Variants in ABCC11 observed in about 807,000 individuals in gnomAD.
The protein encoded by ABCC11 is ATP binding cassette subfamily C member 11.
Under a neutral mutation model 149.3 loss-of-function variants are expected in ABCC11, and 135 were observed. The observed-to-expected ratio is 0.90, with a 90% confidence interval of 0.79 to 1.04. ABCC11 has a LOEUF of 1.04. ABCC11 is among the 50% of genes least tolerant of loss of function. The probability of loss-of-function intolerance (pLI) is 0.00; values close to 1 mark genes in which losing one functional copy is unlikely to be tolerated. For missense variants in ABCC11, 1,680 were observed against 1,722.1 expected, an observed-to-expected ratio of 0.98 and a Z score of 0.43; for synonymous variants, 665 against 671.4, an observed-to-expected ratio of 0.99 and a Z score of 0.15.
At chr16:48,227,677 CCT>C in intron 4 of ABCC11, 127 bp downstream of exon 4, 1 of 1,180,832 alleles carries the variant, frequency 8.5e-7, no homozygotes, top group Non-Finnish European at 1.2e-6. Context: ...TAGTATGAGG[CCT>C]CTTCCTACAG....
chr16:48,197,047 G>A (rs559863694), intron 17 of ABCC11, among the ~76,000 whole-genome samples: 4 of 152,266 alleles, frequency 2.6e-5, no homozygotes, highest in East Asian at 1.9e-4. Flanking sequence ...GTTGGTGGCC[G>A]GGCACAGTGG....
At chr16:48,168,008 A>G (rs1366318918) in intron 28 of ABCC11, among the ~76,000 whole-genome samples, 1 of 152,254 alleles carries the variant, frequency 6.6e-6, no homozygotes, top group African/African-American at 2.4e-5. Flanking sequence ...GGGCAGGCAC[A>G]CACCCCAGGA....
At chr16:48,234,488 A>C (rs1165086206) in intron 1 of ABCC11, among the ~76,000 whole-genome samples, 1 of 152,146 alleles carries the variant, frequency 6.6e-6, no homozygotes, top group Admixed American at 6.5e-5. Flanking sequence ...TGTGGCATCC[A>C]TCTTGCGAGA....
intron 18 of ABCC11, among the ~76,000 whole-genome samples, chr16:48,195,704 A>G (rs1967337642): frequency 6.6e-6 from 1 of 152,226 alleles, no homozygotes; most frequent in Non-Finnish European, 1.5e-5. Flanking sequence ...AAAATTAAGA[A>G]ATTTTAAATC....
intron 1 of ABCC11, among the ~76,000 whole-genome samples, chr16:48,243,686 T>G (rs1971139229): frequency 6.6e-6 from 1 of 152,136 alleles, no homozygotes; most frequent in Non-Finnish European, 1.5e-5. Context: ...TCTGCTGTAG[T>G]TTTGTACATC....
chr16:48,192,824 G>T, intron 19 of ABCC11, 107 bp from the exon 20 acceptor site: 1 of 1,178,026 alleles, frequency 8.5e-7, no homozygotes, highest in Non-Finnish European at 1.2e-6. Context: ...GGTAGAAGGT[G>T]AAGCTGTTTG....
chr16:48,200,182 G>GGGA, intron 15 of ABCC11, 94 bp downstream of exon 15: 5 of 1,333,438 alleles, frequency 3.7e-6, no homozygotes, highest in Non-Finnish European at 4.2e-6. Flanking sequence ...GACAGCTGCT[G>GGGA]GGAGGCTGTT....
rs543497118 is a variant in ABCC11, at chr16:48,187,607, C to T, written c.2707-180G>A. Among the ~76,000 whole-genome samples, 26 of 152,294 alleles carry T rather than the reference C, an allele frequency of 1.7e-4. No individual in the cohort carries two copies. In the South Asian group the frequency reaches 3.3e-3, roughly 19 times the overall value. On this transcript the variant is annotated intron_variant, in intron 20 of 29. Coordinates refer to ENST00000356608, the MANE Select transcript of ABCC11 (RefSeq NM_001370497.1). ...GCTCCACGGCTACCTGACTCCTCCACCTACTGCTGTCTGACCTCGGGCAAG... is the reference window on the plus strand; with the variant it reads ...GCTCCACGGCTACCTGACTCCTCCATCTACTGCTGTCTGACCTCGGGCAAG...
At chr16:48,180,502 A>T (rs1354132931) in intron 23 of ABCC11, among the ~76,000 whole-genome samples, 1 of 152,196 alleles carries the variant, frequency 6.6e-6, no homozygotes, top group African/African-American at 2.4e-5. Context: ...TGAGAGAATA[A>T]GTTCCCAGAT....
chr16:48,225,274 C>T (rs1331487979), intron 4 of ABCC11, among the ~76,000 whole-genome samples: 1 of 151,984 alleles, frequency 6.6e-6, no homozygotes, highest in African/African-American at 2.4e-5. Flanking sequence ...CATTTAATGC[C>T]CAGTCTGTAT....
chr16:48,199,862 T>A (rs1403876221), intron 15 of ABCC11, among the ~76,000 whole-genome samples: 1 of 151,618 alleles, frequency 6.6e-6, no homozygotes, highest in Non-Finnish European at 1.5e-5. Context: ...TTTGTAGAGA[T>A]GGGAGGTCTC....
chr16:48,230,686 A>G, intron 2 of ABCC11, 113 bp from the exon 3 acceptor site: 1 of 1,213,736 alleles, frequency 8.2e-7, no homozygotes, highest in Non-Finnish European at 1.1e-6. Flanking sequence ...CCTGCTTCCT[A>G]AAGAAAGGCT....
chr16:48,216,237 G>A lies in ABCC11; in HGVS notation c.828C>T (p.Cys276=), dbSNP rs1969334674. ...GDVNYLFEGV[C]YGPLVLITCA... ...AGGTGATCAGTACTAGGGGTCCATA[G>A]CACACCCCTTCAAACAGGTAGTTTA... The change falls in exon 7 of 30, where the codon TGC becomes TGT. Residue 276 remains cysteine, a synonymous_variant. Transcript: ENST00000356608. 1 of 1,614,052 alleles carries A rather than the reference G, an allele frequency of 6.2e-7. No individual in the cohort carries two copies. The highest frequency in any genetic ancestry group is 8.5e-7 in the Non-Finnish European group (1 of 1,179,974).
intron 25 of ABCC11, among the ~76,000 whole-genome samples, chr16:48,175,639 C>G (rs951362582): frequency 3.3e-5 from 5 of 152,164 alleles, no homozygotes; most frequent in African/African-American, 1.2e-4. Context: ...ACGTGGGGCC[C>G]CTGGATCAAA....
intron 23 of ABCC11, among the ~76,000 whole-genome samples, chr16:48,182,244 A>C (rs1212862572): frequency 3.3e-5 from 5 of 152,116 alleles, no homozygotes; most frequent in Admixed American, 2.0e-4. Flanking sequence ...ACATACATGC[A>C]CTCCTACACA....
chr16:48,167,440 C>A (rs1965403371), intron 29 of ABCC11, 56 bp downstream of exon 29: 2 of 1,610,598 alleles, frequency 1.2e-6, no homozygotes, highest in African/African-American at 2.7e-5. Flanking sequence ...TCAAAGGCAT[C>A]TGGGGTAGCA....
At chr16:48,243,885 G>A (rs910986043) in intron 1 of ABCC11, among the ~76,000 whole-genome samples, 18 of 152,208 alleles carry the variant, frequency 1.2e-4, no homozygotes, top group Non-Finnish European at 2.1e-4. Context: ...CCAGCTACTC[G>A]GGAGGCTGAG....
Position 48,211,012 on chromosome 16 carries a change from C to T in ABCC11, c.1544G>A (p.Gly515Glu). 6.2e-7 allele frequency: 1 copy of T among 1,614,180 alleles called. No individual in the cohort carries two copies. Among genetic ancestry groups the T allele is most frequent in the Non-Finnish European group, 8.5e-7 (1 of 1,180,036 alleles). ...EGMTRPRDAL[G>E]PEEEGNSLGP... ...CAGGCTGTTCCCTTCTTCCTCTGGC[C>T]CGAGGGCATCTCTAGGCCTGGTCAT... is the stretch of plus-strand genomic sequence containing the variant. The change falls in exon 11 of 30, where the codon GGG (glycine) becomes GAG (glutamate). Residue 515 changes from glycine to glutamate, a missense_variant. Gly to Glu is a moderately conservative substitution (Grantham distance 98). Transcript: ENST00000356608.
At chr16:48,202,191 C>G (rs577627607) in intron 14 of ABCC11, among the ~76,000 whole-genome samples, 31 of 152,296 alleles carry the variant, frequency 2.0e-4, no homozygotes, top group Middle Eastern at 6.8e-3. Flanking sequence ...CAAAGCAATC[C>G]GATCAGGTCA....
Sources: gnomAD v4.1 joint callset for allele counts (sites outside exome capture counted in the v4.1 genomes callset) on GRCh38, gnomAD v4.1.1 for gene constraint, MANE v1.5 for transcripts, NCBI Gene and HGNC (gene_info 2026-07-23, HGNC 2026-07-21) for gene names.